The following TSGA13 variants were observed in gnomAD, a reference collection of about 807,000 sequenced individuals.
TSGA13 encodes testis specific 13.
Under a neutral mutation model 35.1 loss-of-function variants are expected in TSGA13, and 37 were observed. The ratio of observed to expected loss-of-function variants is 1.05; its 90% CI spans 0.81 to 1.39. The LOEUF (loss-of-function observed/expected upper bound fraction) is 1.39, where lower values mean the gene tolerates loss of function less well. Among genes scored for constraint, TSGA13 ranks in the 40% most tolerant of loss-of-function variants. The probability of loss-of-function intolerance (pLI) is 0.00; values close to 1 mark genes in which losing one functional copy is unlikely to be tolerated. For missense variants in TSGA13, 338 were observed against 328.5 expected (o/e 1.03, Z -0.22); for synonymous variants, 124 against 121.2 (o/e 1.02, Z -0.15).
At chr7:130,685,019 A>G (rs1796630543) in intron 2 of TSGA13, among the ~76,000 whole-genome samples, 169 bp downstream of exon 2, 1 of 152,048 alleles carries the variant, frequency 6.6e-6, no homozygotes, top group African/African-American at 2.4e-5. Context: ...AAAAGCAACC[A>G]TGAAATACAG....
At position 130,683,610 on chromosome 7, in the gene TSGA13, A is replaced by G. The variant is rs782193695; in HGVS notation, c.86T>C (p.Val29Ala). The G allele has an allele frequency of 1.9e-6, 3 of 1,613,788 alleles. No individual in the cohort carries two copies. The African/African-American group carries it at 4.0e-5, about 22-fold the overall frequency. Residue 29 changes from valine to alanine, a missense_variant, in exon 3 of 8, where the codon GTT (valine) becomes GCT (alanine). Coordinates refer to ENST00000356588, the MANE Select transcript of TSGA13 (RefSeq NM_052933.4). ...ACTCCTTACCTCTTTGCTATTGACA[A>G]CCATTCCTTTCTCACGTTTAGCTGA... ...NSSAKREKGM[V>A]VNSKEISDAV...
At position 130,685,277 on chromosome 7, in the gene TSGA13, A is replaced by T; in HGVS notation, c.-67T>A. 1 of 1,605,152 alleles carries T rather than the reference A, an allele frequency of 6.2e-7. No homozygotes were observed. On this transcript the variant is annotated 5_prime_UTR_variant, in exon 2 of 8. Transcript: ENST00000356588. Reference sequence around the variant, plus strand: ...CCCAAGGCCAAATTCAGGTCTCTAAATAGTCCACGTTCTGCAGGGGTTCAA... The same window carrying T: ...CCCAAGGCCAAATTCAGGTCTCTAATTAGTCCACGTTCTGCAGGGGTTCAA...
In TSGA13 at chr7:130,668,820, C is replaced by A. The variant is rs1210848551; in HGVS notation, c.*194G>T. 7 of 1,270,546 alleles carry A rather than the reference C, an allele frequency of 5.5e-6. No individual in the cohort carries two copies. The highest frequency in any genetic ancestry group is 1.6e-5 in the South Asian group (1 of 61,544). The allele number at this position is 1,270,546 out of a possible 1,614,324, so 78.7% of individuals were successfully genotyped here. ...GGGGCCAAGGCCCGCCCTCCCCGGC[C>A]GCCCTCGGCCCCCGGGACGCAGCCA... is the stretch of plus-strand genomic sequence containing the variant. On this transcript the variant is annotated 3_prime_UTR_variant, in exon 8 of 8. Transcript: ENST00000356588.
intron 1 of TSGA13, among the ~76,000 whole-genome samples, chr7:130,685,852 G>A (rs1484246940): frequency 6.6e-6 from 1 of 152,178 alleles, no homozygotes; most frequent in Non-Finnish European, 1.5e-5. Context: ...GAAGATACAA[G>A]CTGATAAGGT....
intron 5 of TSGA13, among the ~76,000 whole-genome samples, chr7:130,678,920 A>G (rs2116318379): frequency 6.6e-6 from 1 of 152,328 alleles, no homozygotes; most frequent in Non-Finnish European, 1.5e-5. Context: ...CCAGCTACTC[A>G]GGAGGCTGAG....
intron 6 of TSGA13, among the ~76,000 whole-genome samples, chr7:130,672,490 A>C (rs1796296527): frequency 6.6e-6 from 1 of 152,044 alleles, no homozygotes; most frequent in South Asian, 2.1e-4. Flanking sequence ...TGTTTCTTCA[A>C]AGCACAGACC....
intron 4 of TSGA13, among the ~76,000 whole-genome samples, chr7:130,680,138 C>T (rs1228514612): frequency 1.3e-5 from 2 of 152,194 alleles, no homozygotes; most frequent in East Asian, 1.9e-4. Context: ...ACATCTTCCA[C>T]GTAATGTTCC....
intron 6 of TSGA13, 39 bp downstream of exon 6, chr7:130,672,695 T>C (rs1563078256): frequency 1.1e-5 from 17 of 1,599,848 alleles, no homozygotes; most frequent in Non-Finnish European, 1.5e-5. Context: ...AGGGAAAAGA[T>C]AGGAAAGAAA....
At position 130,679,248 on chromosome 7, in the gene TSGA13, A is replaced by C. The variant is rs975615306; in HGVS notation, c.294T>G (p.Ile98Met). 3.1e-6 allele frequency: 5 copies of C among 1,614,174 alleles called. No individual in the cohort carries two copies. Among genetic ancestry groups the C allele is most frequent in the Non-Finnish European group, 4.2e-6 (5 of 1,180,040 alleles). The change falls in exon 5 of 8, where the codon ATT becomes ATG. Residue 98 changes from isoleucine (I) to methionine (M), a missense_variant. Transcript: ENST00000356588. ...TQYDQDKTLL[I>M]MTNNPPPCSI... is the part of the protein sequence containing the mutation. ...AGCAGGGAGGTGGGTTGTTGGTCATAATCAGTAACGTCTTATCCTGGTCAT... is the reference window on the plus strand; with the variant it reads ...AGCAGGGAGGTGGGTTGTTGGTCATCATCAGTAACGTCTTATCCTGGTCAT...
Position 130,668,651 on chromosome 7 carries a change from G to A in TSGA13, c.*363C>T, listed in dbSNP as rs1259766887. On this transcript the variant is annotated 3_prime_UTR_variant, in exon 8 of 8. Coordinates refer to ENST00000356588, the MANE Select transcript of TSGA13 (RefSeq NM_052933.4). ...GCGTACCAGACTCCTCGTCCTTCTT[G>A]TCGAATTTTTTAATCATCTTGGACG... 6.5e-7 allele frequency: 1 copy of A among 1,543,262 alleles called. No individual in the cohort carries two copies. Among genetic ancestry groups the A allele is most frequent in the Non-Finnish European group, 8.7e-7 (1 of 1,147,074 alleles).
intron 4 of TSGA13, among the ~76,000 whole-genome samples, chr7:130,680,388 C>T (rs1796515725): frequency 6.6e-6 from 1 of 151,954 alleles, no homozygotes; most frequent in African/African-American, 2.4e-5. Flanking sequence ...CGCCTATATT[C>T]CCAGCTACTC....
chr7:130,681,809 A>G (rs1181585884), intron 3 of TSGA13, among the ~76,000 whole-genome samples: 1 of 152,202 alleles, frequency 6.6e-6, no homozygotes, highest in African/African-American at 2.4e-5. Flanking sequence ...AGGATGAATC[A>G]AGGAGATAGG....
In TSGA13 at chr7:130,672,871, A is replaced by G. The variant is rs1462762722; in HGVS notation, c.393T>C (p.Ser131=). The change falls in exon 6 of 8, where the codon AGT becomes AGC. Residue 131 remains serine, a synonymous_variant. Transcript: ENST00000356588. ...SKELLLKVME[S]HHQHKPTENL... Reference sequence around the variant, plus strand: ...TCTCAGTGGGTTTGTGCTGATGATGACTTTCCTGTAGGGAAACGAGGGAAG... The same window carrying G: ...TCTCAGTGGGTTTGTGCTGATGATGGCTTTCCTGTAGGGAAACGAGGGAAG... The G allele has an allele frequency of 5.0e-6, 8 of 1,613,214 alleles. No individual in the cohort carries two copies. The East Asian group carries it at 1.8e-4, about 36-fold the overall frequency.
chr7:130,684,742 A>C (rs1377136688), intron 2 of TSGA13, among the ~76,000 whole-genome samples: 2 of 152,236 alleles, frequency 1.3e-5, no homozygotes, highest in African/African-American at 4.8e-5. Context: ...CGGTCCCAAC[A>C]GAGTAGGTGA....
chr7:130,673,313 TG>T (rs1796327187), intron 5 of TSGA13, among the ~76,000 whole-genome samples: 1 of 152,202 alleles, frequency 6.6e-6, no homozygotes, highest in African/African-American at 2.4e-5. Context: ...GGCCATGGAA[TG>T]GGATGTTGTG....
chr7:130,670,779 C>A (rs972090539), intron 7 of TSGA13, among the ~76,000 whole-genome samples: 1 of 152,036 alleles, frequency 6.6e-6, no homozygotes, highest in Non-Finnish European at 1.5e-5. Context: ...TGCCGCCACA[C>A]CCTGTTAAAT....
chr7:130,670,701 C>T (rs1441717916), intron 7 of TSGA13, among the ~76,000 whole-genome samples: 3 of 152,136 alleles, frequency 2.0e-5, no homozygotes, highest in Admixed American at 2.0e-4. Flanking sequence ...CTAACTGCAA[C>T]CTTGAACTCC....
At chr7:130,679,472 T>C (rs1175873590) in intron 4 of TSGA13, 105 bp from the exon 5 acceptor site, 7 of 991,642 alleles carry the variant, frequency 7.1e-6, no homozygotes, top group Non-Finnish European at 1.0e-5. Context: ...GAACAGAAGC[T>C]GGACAGACTT....
chr7:130,685,405 T>C (rs1258011861), intron 1 of TSGA13, 45 bp from the exon 2 acceptor site: 12 of 1,342,284 alleles, frequency 8.9e-6, no homozygotes, highest in Non-Finnish European at 1.2e-5. Context: ...ATTGTAGATG[T>C]AGAAAATGCA....
Sources: allele counts gnomAD v4.1 joint callset (sites outside exome capture counted in the v4.1 genomes callset), GRCh38; gene constraint gnomAD v4.1.1; transcripts MANE v1.5; gene names NCBI Gene and HGNC (gene_info 2026-07-23, HGNC 2026-07-21).